The following NPFFR2 variants were observed in gnomAD, a reference collection of about 807,000 sequenced individuals.
The protein encoded by NPFFR2 is neuropeptide FF receptor 2.
A neutral mutation model predicts 13.1 loss-of-function variants in NPFFR2; 15 were observed. That is an observed-to-expected ratio of 1.15 (90% CI 0.77 to 1.76). The LOEUF is 1.76. NPFFR2 is among the 40% of genes most tolerant of loss of function. NPFFR2 has a pLI of 0.00. For synonymous variants in NPFFR2, 190 were observed against 175.7 expected (o/e 1.08, Z -0.65); for missense variants, 572 against 503.5 (o/e 1.14, Z -1.30).
intron 1 of NPFFR2, among the ~76,000 whole-genome samples, chr4:72,044,431 T>A (rs1442606662): frequency 6.6e-6 from 1 of 152,216 alleles, no homozygotes; most frequent in Non-Finnish European, 1.5e-5. Context: ...TTGCCAGTTA[T>A]CCCAGCACTA....
Position 72,127,355 on chromosome 4 carries a change from C to CTTTTTTTTT in NPFFR2, c.-7-1226_-7-1225insTTTTTTTTT, listed in dbSNP as rs1341571145. 3.6e-4 allele frequency among the ~76,000 whole-genome samples: 33 copies of CTTTTTTTTT among 91,194 alleles called. 2 individuals are homozygous for CTTTTTTTTT. Among genetic ancestry groups the CTTTTTTTTT allele is most frequent in the African/African-American group, 1.5e-3 (32 of 21,700 alleles). 59.8% of individuals were successfully genotyped at this position (91,194 alleles called of 152,430 possible). ...AAGTCATACAGATTCTAAATAATTTCTTTTCTTTTTTTTTTTTTTTTTTTT... is the reference window on the plus strand; with the variant it reads ...AAGTCATACAGATTCTAAATAATTTCTTTTTTTTTTTTTCTTTTTTTTTTTTTTTTTTTT... On this transcript the variant is annotated intron_variant, in intron 1 of 3. Transcript: ENST00000308744.
intron 1 of NPFFR2, among the ~76,000 whole-genome samples, chr4:72,034,673 A>C (rs1337571467): frequency 6.6e-6 from 1 of 152,248 alleles, no homozygotes; most frequent in African/African-American, 2.4e-5. Context: ...CCTGATGTTA[A>C]CAGCTGATTT....
chr4:72,123,846 A>ACTGGCACAAGTCAGGGATGAC (rs1327987844), intron 1 of NPFFR2, among the ~76,000 whole-genome samples: 10 of 152,360 alleles, frequency 6.6e-5, no homozygotes, highest in African/African-American at 2.2e-4. Flanking sequence ...GCCTTTGAAA[A>ACTGGCACAAGTCAGGGATGAC]CTGGCACAAG....
At chr4:72,070,569 G>T (rs775690336) in intron 1 of NPFFR2, among the ~76,000 whole-genome samples, 132,360 of 137,302 alleles carry the variant, frequency 0.96, 64,134 homozygotes, top group Non-Finnish European at 0.99. Context: ...GTGGGGGGGG[G>T]GGGTGGGGCT....
chr4:72,044,162 A>G (rs1268782267), intron 1 of NPFFR2, among the ~76,000 whole-genome samples: 1 of 152,132 alleles, frequency 6.6e-6, no homozygotes, highest in African/African-American at 2.4e-5. Flanking sequence ...CATGATTGTA[A>G]GTTTCCTGAG....
chr4:72,061,826 A>C (rs7658402), intron 1 of NPFFR2, among the ~76,000 whole-genome samples: 146,040 of 152,042 alleles, frequency 0.96, 70,429 homozygotes, highest in East Asian at 1. Flanking sequence ...GACAAATAAC[A>C]TAATGCATGC....
intron 1 of NPFFR2, among the ~76,000 whole-genome samples, chr4:72,071,977 G>A (rs1257743628): frequency 2.0e-5 from 3 of 152,070 alleles, no homozygotes; most frequent in Non-Finnish European, 4.4e-5. Flanking sequence ...CCAGGGGAAG[G>A]CACTGGCTCA....
intron 1 of NPFFR2, among the ~76,000 whole-genome samples, chr4:72,040,865 T>C (rs1350754370): frequency 6.6e-6 from 1 of 151,284 alleles, no homozygotes; most frequent in East Asian, 1.9e-4. Context: ...CATCATTTTA[T>C]ATTCCATCTT....
At chr4:72,044,643 T>C (rs970235930) in intron 1 of NPFFR2, among the ~76,000 whole-genome samples, 8 of 151,794 alleles carry the variant, frequency 5.3e-5, no homozygotes, top group African/African-American at 1.9e-4. Flanking sequence ...TTCCTGATAA[T>C]CAGTGATGTT....
rs774778516 is a variant in NPFFR2, at chr4:72,138,045, C to T, written c.334C>T (p.Pro112Ser). 2.5e-6 allele frequency: 4 copies of T among 1,610,058 alleles called. No homozygotes were observed. Among genetic ancestry groups the T allele is most frequent in the Non-Finnish European group, 2.5e-6 (3 of 1,177,220 alleles). Residue 112 changes from proline (P) to serine (S), a missense_variant, in exon 3 of 4, where the codon CCA (proline) becomes TCA (serine). Coordinates refer to ENST00000308744, the MANE Select transcript of NPFFR2 (RefSeq NM_004885.3). ...CTGTTTCATTTTCCTTTCAGGATGG[C>T]CATTTGGAAACACGATGTGCAAGAT... ...TLLDNIIAGW[P>S]FGNTMCKISG... is the part of the protein sequence containing the mutation.
At chr4:72,145,429 T>G (rs1722745094) in intron 3 of NPFFR2, among the ~76,000 whole-genome samples, 1 of 151,766 alleles carries the variant, frequency 6.6e-6, no homozygotes, top group Non-Finnish European at 1.5e-5. Context: ...GAGTTAAAAT[T>G]TATCTCCTAT....
chr4:72,096,760 T>G (rs1165430414), intron 1 of NPFFR2, among the ~76,000 whole-genome samples: 1 of 152,054 alleles, frequency 6.6e-6, no homozygotes, highest in African/African-American at 2.4e-5. Flanking sequence ...AACAAATTGT[T>G]TTATACAGAT....
chr4:72,138,790 C>G (rs1722503048), intron 3 of NPFFR2, among the ~76,000 whole-genome samples: 1 of 152,000 alleles, frequency 6.6e-6, no homozygotes, highest in African/African-American at 2.4e-5. Context: ...AATGGGATTG[C>G]TGGGTCAAAT....
At chr4:72,141,138 T>C (rs1722606966) in intron 3 of NPFFR2, among the ~76,000 whole-genome samples, 1 of 152,134 alleles carries the variant, frequency 6.6e-6, no homozygotes, top group Admixed American at 6.5e-5. Context: ...GTCTATTTGA[T>C]TCTTCTCTCT....
chr4:72,093,701 T>C (rs920379714), intron 1 of NPFFR2, among the ~76,000 whole-genome samples: 5 of 152,100 alleles, frequency 3.3e-5, no homozygotes, highest in Non-Finnish European at 5.9e-5. Flanking sequence ...TTTTTATTCA[T>C]GCTATTTTAC....
chr4:72,077,670 C>A (rs1720486717), intron 1 of NPFFR2, among the ~76,000 whole-genome samples: 1 of 152,172 alleles, frequency 6.6e-6, no homozygotes, highest in Non-Finnish European at 1.5e-5. Context: ...AAAGTCCTCA[C>A]TCCTTAAATA....
At position 72,137,933 on chromosome 4, in the gene NPFFR2, A is replaced by G. The variant is rs934734366; in HGVS notation, c.329-107A>G. On this transcript the variant is annotated intron_variant, in intron 2 of 3. Transcript: ENST00000308744. ...AAACATTGATTTTTCTCTGCCTATC[A>G]TGTAGAAAACAGTTACATTAGTCTC... The G allele has an allele frequency of 9.1e-6, 7 of 766,316 alleles. No individual in the cohort carries two copies. The South Asian group carries it at 1.2e-4, about 13-fold the overall frequency. 47.5% of individuals were successfully genotyped at this position (766,316 alleles called of 1,614,324 possible). A position where few individuals can be genotyped will look rare whatever the true frequency, so the allele number is the denominator to read the frequency against.
At chr4:72,048,244 G>T (rs1480138092) in intron 1 of NPFFR2, among the ~76,000 whole-genome samples, 1 of 152,072 alleles carries the variant, frequency 6.6e-6, no homozygotes, top group Non-Finnish European at 1.5e-5. Context: ...CCAAGTTCTG[G>T]ATTCTTGGAG....
chr4:72,039,009 A>G (rs1719122936), intron 1 of NPFFR2, among the ~76,000 whole-genome samples: 2 of 134,732 alleles, frequency 1.5e-5, no homozygotes, highest in South Asian at 2.5e-4. Flanking sequence ...GGTTCGCGCC[A>G]TTCTCCTGCG....
Sources: allele counts gnomAD v4.1 joint callset (sites outside exome capture counted in the v4.1 genomes callset), GRCh38; gene constraint gnomAD v4.1.1; transcripts MANE v1.5; gene names NCBI Gene and HGNC (gene_info 2026-07-23, HGNC 2026-07-21).